Variants in FBXO11 observed in about 807,000 individuals in gnomAD.
FBXO11 encodes F-box only protein 11.
Under a neutral mutation model 117.0 loss-of-function variants are expected in FBXO11, and 13 were observed. That is an observed-to-expected ratio of 0.11 (90% CI 0.07 to 0.18). FBXO11 has a LOEUF of 0.18. Ranked by LOEUF, FBXO11 falls within the 10% of genes least tolerant of loss-of-function variation. The probability of loss-of-function intolerance (pLI) is 1.00; values close to 1 mark genes in which losing one functional copy is unlikely to be tolerated. For missense variants in FBXO11, 767 were observed against 1,164.4 expected (o/e 0.66, Z 4.97); for synonymous variants, 490 against 380.5 (o/e 1.29, Z -3.35).
chr2:47,897,352 C>T (rs751158970), intron 1 of FBXO11, among the ~76,000 whole-genome samples: 7 of 152,298 alleles, frequency 4.6e-5, no homozygotes, highest in Middle Eastern at 3.4e-3. Context: ...GTAACACAGA[C>T]ACCAATATCA....
At chr2:47,859,284 A>G (rs1375650335) in intron 1 of FBXO11, among the ~76,000 whole-genome samples, 1 of 152,192 alleles carries the variant, frequency 6.6e-6, no homozygotes, top group Non-Finnish European at 1.5e-5. Flanking sequence ...TCCAGAGTTC[A>G]AAATATTAAA....
intron 1 of FBXO11, among the ~76,000 whole-genome samples, chr2:47,899,864 G>T (rs544264268): frequency 3.3e-5 from 5 of 150,242 alleles, no homozygotes; most frequent in Non-Finnish European, 7.4e-5. Flanking sequence ...TAATATCAGG[G>T]ATAAATAGGG....
chr2:47,835,789 C>T lies in FBXO11; in HGVS notation c.717+83G>A, dbSNP rs553395250. ...CTGGGATTACAGGTGTGAGCCACCA[C>T]GCCCAGCCTAAACTTATTTCTTAAA... On this transcript the variant is annotated intron_variant, in intron 5 of 22. Coordinates refer to ENST00000403359, the MANE Select transcript of FBXO11 (RefSeq NM_001190274.2). 4.4e-5 allele frequency: 50 copies of T among 1,125,964 alleles called. No individual in the cohort carries two copies. The Middle Eastern group carries it at 1.6e-3, about 35-fold the overall frequency. 69.7% of individuals were successfully genotyped at this position (1,125,964 alleles called of 1,614,324 possible).
intron 11 of FBXO11, among the ~76,000 whole-genome samples, chr2:47,828,609 CAA>C (rs536847210): frequency 3.2e-4 from 32 of 98,630 alleles, no homozygotes; most frequent in Admixed American, 3.4e-4. Context: ...ACTCTTGTCT[CAA>C]AAAAAAAAAA....
intron 1 of FBXO11, among the ~76,000 whole-genome samples, chr2:47,901,063 G>GTGTA (rs1332133447): frequency 4.6e-5 from 5 of 107,642 alleles, no homozygotes; most frequent in African/African-American, 1.5e-4. Context: ...ACATATATAT[G>GTGTA]TATATATATA....
chr2:47,898,229 G>C (rs923750859), intron 1 of FBXO11, among the ~76,000 whole-genome samples: 2 of 152,120 alleles, frequency 1.3e-5, no homozygotes, highest in Non-Finnish European at 2.9e-5. Context: ...AAACATTTTT[G>C]ATATTTGCCT....
At chr2:47,852,224 A>AG (rs1258903316) in intron 1 of FBXO11, among the ~76,000 whole-genome samples, 1 of 152,064 alleles carries the variant, frequency 6.6e-6, no homozygotes, top group African/African-American at 2.4e-5. Flanking sequence ...TCCTGACCTA[A>AG]GGTGATCCAC....
At chr2:47,900,721 T>C (rs529247541) in intron 1 of FBXO11, among the ~76,000 whole-genome samples, 3 of 123,214 alleles carry the variant, frequency 2.4e-5, no homozygotes, top group African/African-American at 6.4e-5. Context: ...TATATACACG[T>C]ATACACACAC....
At chr2:47,828,082 C>G (rs546717699) in intron 11 of FBXO11, among the ~76,000 whole-genome samples, 1 of 152,110 alleles carries the variant, frequency 6.6e-6, no homozygotes, top group South Asian at 2.1e-4. Context: ...TGGGCTCAAT[C>G]AATCCTCTTG....
intron 11 of FBXO11, among the ~76,000 whole-genome samples, chr2:47,832,007 T>C (rs1672231265): frequency 6.6e-6 from 1 of 152,210 alleles, no homozygotes; most frequent in African/African-American, 2.4e-5. Context: ...TTGGAAATTT[T>C]GATTTATTAA....
rs1433521362 is a variant in FBXO11, at chr2:47,835,982, C to G, written c.607G>C (p.Val203Leu). 6.2e-7 allele frequency: 1 copy of G among 1,606,528 alleles called. No homozygotes were observed. The highest frequency in any genetic ancestry group is 8.5e-7 in the Non-Finnish European group (1 of 1,175,940). The change falls in exon 5 of 23, where the codon GTA becomes CTA. Residue 203 changes from valine (V) to leucine (L), a missense_variant. By Grantham distance (32) the Val-to-Leu change is conservative (BLOSUM62 1). Around this residue, in one of 10 missense-constraint regions of FBXO11, gnomAD observed 355 missense variants for 299.8 expected, o/e 1.18. Coordinates refer to ENST00000403359, the MANE Select transcript of FBXO11 (RefSeq NM_001190274.2). ...ATCATAGGGCGAGTATATTCAAATA[C>G]TTCCATATATAATCGTTTCCTGAAC... The part of the protein sequence containing the change: ...PILWKRLYME[V>L]FEYTRPMMHP...
chr2:47,879,614 T>G (rs1043043096), intron 1 of FBXO11, among the ~76,000 whole-genome samples: 1 of 152,212 alleles, frequency 6.6e-6, no homozygotes, highest in Non-Finnish European at 1.5e-5. Context: ...TTATCAAGTT[T>G]CCAAGTACTT....
intron 1 of FBXO11, among the ~76,000 whole-genome samples, chr2:47,898,820 C>A (rs912929690): frequency 3.3e-5 from 5 of 152,062 alleles, no homozygotes; most frequent in African/African-American, 1.2e-4. Context: ...AAACATTCTG[C>A]CAAATGTATT....
intron 1 of FBXO11, among the ~76,000 whole-genome samples, chr2:47,895,501 G>C (rs1291425828): frequency 2.6e-5 from 4 of 152,164 alleles, no homozygotes; most frequent in Non-Finnish European, 5.9e-5. Context: ...CAGTGACTAG[G>C]AAGGCCCTTC....
At chr2:47,833,837 T>C (rs1672353772) in intron 7 of FBXO11, among the ~76,000 whole-genome samples, 3 of 152,166 alleles carry the variant, frequency 2.0e-5, no homozygotes, top group Admixed American at 2.0e-4. Flanking sequence ...GCTAATTTTT[T>C]TTGTATTTTT....
chr2:47,900,759 C>T (rs1291613794), intron 1 of FBXO11, among the ~76,000 whole-genome samples: 1 of 111,380 alleles, frequency 9.0e-6, no homozygotes. Flanking sequence ...TATACACACA[C>T]GTGTATATAT....
chr2:47,841,514 A>G (rs377379029), intron 1 of FBXO11, among the ~76,000 whole-genome samples: 88 of 152,340 alleles, frequency 5.8e-4, no homozygotes, highest in African/African-American at 2.0e-3. Context: ...AATCCGATCA[A>G]ACCTGTAAGA....
intron 1 of FBXO11, among the ~76,000 whole-genome samples, chr2:47,899,455 A>T (rs11681798): frequency 0.98 from 149,797 of 152,262 alleles, 73,696 homozygotes; most frequent in East Asian, 1. Context: ...ATGTGCTAGG[A>T]ACTTTACTAT....
intron 1 of FBXO11, among the ~76,000 whole-genome samples, chr2:47,843,266 T>C (rs1245999619): frequency 6.6e-6 from 1 of 152,178 alleles, no homozygotes; most frequent in Non-Finnish European, 1.5e-5. Flanking sequence ...AACACTAATT[T>C]TTAGAGTAGG....
Sources: allele counts gnomAD v4.1 joint callset (sites outside exome capture counted in the v4.1 genomes callset), GRCh38; gene constraint gnomAD v4.1.1; regional missense constraint gnomAD v4.1.1; transcripts MANE v1.5; gene names NCBI Gene and HGNC (gene_info 2026-07-23, HGNC 2026-07-21).